SPG11: variants seen among roughly 807,000 people sequenced by gnomAD.
The protein encoded by SPG11 is SPG11 vesicle trafficking associated, spatacsin, also known as spatacsin.
Under a neutral mutation model 274.0 loss-of-function variants are expected in SPG11, and 222 were observed. The observed-to-expected ratio is 0.81, with a 90% CI of 0.73 to 0.91. The LOEUF is 0.91. Among genes scored for constraint, SPG11 ranks in the 40% least tolerant of loss-of-function variants. The probability of loss-of-function intolerance (pLI) is 0.00; values close to 1 mark genes in which losing one functional copy is unlikely to be tolerated. For synonymous variants in SPG11, 1,144 were observed against 1,039.7 expected, an observed-to-expected ratio of 1.10 and a Z score of -1.93; for missense variants, 3,114 against 2,872.7, an observed-to-expected ratio of 1.08 and a Z score of -1.92.
chr15:44,590,214 TTCTAC>T (rs2082870602), intron 27 of SPG11, among the ~76,000 whole-genome samples: 1 of 152,222 alleles, frequency 6.6e-6, no homozygotes, highest in Non-Finnish European at 1.5e-5. Context: ...ACTTCGCTAG[TTCTAC>T]CACTTTGCTT....
intron 17 of SPG11, among the ~76,000 whole-genome samples, chr15:44,613,105 GA>G (rs939377833): frequency 4.6e-5 from 7 of 152,096 alleles, no homozygotes; most frequent in Non-Finnish European, 7.4e-5. Flanking sequence ...CTTCTTCATG[GA>G]AAAAGGGTGT....
chr15:44,567,312 C>T (rs990389069), intron 36 of SPG11, 112 bp downstream of exon 36: 27 of 1,202,374 alleles, frequency 2.2e-5, no homozygotes, highest in Non-Finnish European at 2.8e-5. Flanking sequence ...GATCGTGCCA[C>T]TGCACTCCAG....
intron 8 of SPG11, 39 bp downstream of exon 8, chr15:44,633,466 A>C (rs1420194419): frequency 6.6e-7 from 1 of 1,522,114 alleles, no homozygotes; most frequent in East Asian, 2.3e-5. Context: ...AAGAAGATCA[A>C]ATGATAAATA....
At chr15:44,600,404 A>G (rs2083154150) in intron 21 of SPG11, 63 bp downstream of exon 21, 1 of 1,580,946 alleles carries the variant, frequency 6.3e-7, no homozygotes, top group Non-Finnish European at 8.7e-7. Flanking sequence ...CCTGCTTCCC[A>G]AAGTGCTGGG....
intron 8 of SPG11, among the ~76,000 whole-genome samples, chr15:44,631,787 G>A (rs1462819350): frequency 6.9e-6 from 1 of 144,664 alleles, no homozygotes; most frequent in Non-Finnish European, 1.5e-5. Context: ...TTATAGGTGT[G>A]AGCCACTGCA....
intron 15 of SPG11, 43 bp from the exon 16 acceptor site, chr15:44,615,609 G>T (rs748788747): frequency 6.4e-7 from 1 of 1,572,378 alleles, no homozygotes; most frequent in South Asian, 1.1e-5. Flanking sequence ...AAGTTGCTAT[G>T]TTCAGAGTAG....
In SPG11 at chr15:44,657,022, TAAC is replaced by T. The variant is rs1432045237; in HGVS notation, c.869+70_869+72del. ...GAAACACTAGTTAAAAAAAAAAAAC[TAAC>T]GAGGATATTTTTAACCTCTTATCAG... is the stretch of plus-strand genomic sequence containing the variant. On this transcript the variant is annotated intron_variant, in intron 4 of 39. Transcript: ENST00000261866. The T allele has an allele frequency of 2.4e-5, 31 of 1,297,676 alleles. No homozygotes were observed. In the Admixed American group the frequency reaches 7.0e-4, roughly 29 times the overall value. The allele number at this position is 1,297,676 out of a possible 1,614,324, so 80.4% of individuals were successfully genotyped here.
chr15:44,616,291 C>T (rs1247649757), intron 15 of SPG11, among the ~76,000 whole-genome samples: 3 of 151,416 alleles, frequency 2.0e-5, no homozygotes, highest in Middle Eastern at 3.4e-3. Flanking sequence ...CTGCAAGCTC[C>T]GCCTCCTGAG....
In SPG11 at chr15:44,573,558, G is replaced by A; in HGVS notation, c.6194C>T (p.Ser2065Leu). The A allele has an allele frequency of 6.2e-7, 1 of 1,614,174 alleles. No individual in the cohort carries two copies. The highest frequency in any genetic ancestry group is 8.5e-7 in the Non-Finnish European group (1 of 1,180,026). ...EEVTRELLTS[S>L]QGTGHKQMFN... is the part of the protein sequence containing the mutation. Reference sequence around the variant, plus strand: ...GGGGGGTAGGGCACCTGTTCCCTGTGATGAAGTAAGCAGCTCCCGTGTCAC... The same window carrying A: ...GGGGGGTAGGGCACCTGTTCCCTGTAATGAAGTAAGCAGCTCCCGTGTCAC... Residue 2065 changes from serine (S) to leucine (L), a missense_variant, in exon 32 of 40, where the codon TCA (serine) becomes TTA (leucine). Transcript: ENST00000261866.
intron 16 of SPG11, among the ~76,000 whole-genome samples, chr15:44,614,428 T>A (rs2083540330): frequency 1.3e-5 from 2 of 152,158 alleles, no homozygotes; most frequent in South Asian, 4.1e-4. Flanking sequence ...CCCACTACAT[T>A]GCCCAGGCTG....
At chr15:44,625,261 T>C (rs1328684817) in intron 11 of SPG11, among the ~76,000 whole-genome samples, 1 of 152,086 alleles carries the variant, frequency 6.6e-6, no homozygotes, top group Admixed American at 6.6e-5. Context: ...CACTGCAGCC[T>C]AGAACTCCTG....
chr15:44,608,601 A>G lies in SPG11; in HGVS notation c.3296T>C (p.Val1099Ala), dbSNP rs766035537. ...MYSPGGVSQV[V>A]QNEENENCLK... is the part of the protein sequence containing the mutation. ...ACAGTTTTCATTTTCTTCATTCTGA[A>G]CAACCTAAGTAAAAAAACAGATAAC... The change falls in exon 19 of 40, where the codon GTT becomes GCT. Residue 1099 changes from valine to alanine, a missense_variant. Val to Ala is a moderately conservative substitution (Grantham distance 64). Coordinates refer to ENST00000261866, the MANE Select transcript of SPG11 (RefSeq NM_025137.4). The G allele has an allele frequency of 3.1e-6, 5 of 1,613,706 alleles. No homozygotes were observed. Among genetic ancestry groups the G allele is most frequent in the Non-Finnish European group, 8.5e-7 (1 of 1,179,894 alleles).
chr15:44,620,016 A>T, intron 15 of SPG11, 174 bp downstream of exon 15: 1 of 645,194 alleles, frequency 1.5e-6, no homozygotes, highest in Non-Finnish European at 2.7e-6. Context: ...GCACTTGGCC[A>T]AATGAGTATG....
chr15:44,591,982 G>C (rs1213580780), intron 27 of SPG11, among the ~76,000 whole-genome samples: 1 of 151,868 alleles, frequency 6.6e-6, no homozygotes, highest in African/African-American at 2.4e-5. Flanking sequence ...GTGGTGGTGG[G>C]CACCTGTAAT....
At position 44,615,414 on chromosome 15, in the gene SPG11, C is replaced by T; in HGVS notation, c.2987G>A (p.Cys996Tyr). ...WDFHSQFILY[C>Y]LEHSLQHLLY... ...AAGATGCTGCAGACTGTGCTCCAAA[C>T]AATAGAGAATGAATTGAGAATGGAA... The change falls in exon 16 of 40, where the codon TGT becomes TAT. Residue 996 changes from cysteine to tyrosine, a missense_variant. Cys to Tyr is a radical substitution (Grantham distance 194, BLOSUM62 -2). Coordinates refer to ENST00000261866, the MANE Select transcript of SPG11 (RefSeq NM_025137.4). 6.2e-7 allele frequency: 1 copy of T among 1,614,076 alleles called. No homozygotes were observed. Among genetic ancestry groups the T allele is most frequent in the Non-Finnish European group, 8.5e-7 (1 of 1,179,986 alleles).
chr15:44,644,803 A>T (rs1025202521), intron 7 of SPG11, among the ~76,000 whole-genome samples: 1 of 152,238 alleles, frequency 6.6e-6, no homozygotes, highest in African/African-American at 2.4e-5. Context: ...TGGGAGCCTA[A>T]TAAAGAATGC....
intron 18 of SPG11, 76 bp downstream of exon 18, chr15:44,610,764 G>A (rs895373699): frequency 1.0e-5 from 13 of 1,303,852 alleles, no homozygotes; most frequent in Non-Finnish European, 1.4e-5. Context: ...AATATCAGCT[G>A]AGATCTAGAC....
At chr15:44,578,019 C>CTTTTTT (rs1179057683) in intron 30 of SPG11, among the ~76,000 whole-genome samples, 11 of 117,566 alleles carry the variant, frequency 9.4e-5, no homozygotes, top group South Asian at 5.7e-4. Context: ...GCCTTCTTTC[C>CTTTTTT]TTTTTTTTTT....
chr15:44,569,299 C>T (rs1240620574), intron 35 of SPG11, 99 bp downstream of exon 35: 1 of 910,630 alleles, frequency 1.1e-6, no homozygotes, highest in Admixed American at 2.0e-5. Flanking sequence ...CTCCATTTTC[C>T]CAAGAGTCTA....
Sources: gnomAD v4.1 joint callset for allele counts (sites outside exome capture counted in the v4.1 genomes callset) on GRCh38, gnomAD v4.1.1 for gene constraint, MANE v1.5 for transcripts, NCBI Gene and HGNC (gene_info 2026-07-23, HGNC 2026-07-21) for gene names.